The following DNMT1 variants were observed in gnomAD, a reference collection of about 807,000 sequenced individuals.
DNMT1 encodes DNA methyltransferase 1.
A neutral mutation model predicts 205.3 loss-of-function variants in DNMT1; 24 were observed. The observed-to-expected ratio is 0.12, with a 90% CI of 0.08 to 0.16. The LOEUF is 0.16. Ranked by LOEUF, DNMT1 falls within the 10% of genes least tolerant of loss-of-function variation. The pLI, the probability that DNMT1 is intolerant of heterozygous loss-of-function variation, is 1.00. For synonymous variants in DNMT1, 817 were observed against 839.8 expected, an observed-to-expected ratio of 0.97 and a Z score of 0.47; for missense variants, 1,293 against 2,177.7, an observed-to-expected ratio of 0.59 and a Z score of 8.09.
chr19:10,179,271 A>C (rs891733170), intron 5 of DNMT1, among the ~76,000 whole-genome samples: 1 of 151,826 alleles, frequency 6.6e-6, no homozygotes, highest in African/African-American at 2.4e-5. Flanking sequence ...AACCTGTCAC[A>C]CTCATAGCCA....
At position 10,140,271 on chromosome 19, in the gene DNMT1, C is replaced by T; in HGVS notation, c.3581G>A (p.Arg1194Gln). 4 of 1,614,016 alleles carry T rather than the reference C, an allele frequency of 2.5e-6. No homozygotes were observed. Among genetic ancestry groups the T allele is most frequent in the South Asian group, 1.1e-5 (1 of 91,078 alleles). The change falls in exon 33 of 41, where the codon CGG becomes CAG. Residue 1194 changes from arginine (R) to glutamine (Q), a missense_variant. Physicochemically the swap from Arg to Gln is conservative, Grantham distance 43. Coordinates refer to ENST00000359526, the MANE Select transcript of DNMT1 (RefSeq NM_001130823.3). The surrounding 1 kb of genome is among the most constrained non-coding windows in gnomAD (Gnocchi z 8.4). ...CACTGTGGAGCCGGGGTTGTTCAGC[C>T]GGAACGCCTGGGCCGCAGGGTCCCA... ...EMWDPAAQAFRLNNPGSTVFT... is the reference protein window; with the variant it reads ...EMWDPAAQAFQLNNPGSTVFT...
At chr19:10,150,392 T>C (rs1421289397) in intron 24 of DNMT1, among the ~76,000 whole-genome samples, 1 of 152,160 alleles carries the variant, frequency 6.6e-6, no homozygotes, top group African/African-American at 2.4e-5. Flanking sequence ...GCCACCTCAG[T>C]GCAGCTCTCC....
In DNMT1 at chr19:10,148,876, G is replaced by A. The variant is rs1043815439; in HGVS notation, c.2720+8C>T. On this transcript the variant is annotated splice_region_variant and intron_variant, in intron 27 of 40. Coordinates refer to ENST00000359526, the MANE Select transcript of DNMT1 (RefSeq NM_001130823.3). ...CCTGCTGACCCCGAGTCCAGCCCCAGTGCTCACTTGAACTTGTTGTCCTCT... is the reference window on the plus strand; with the variant it reads ...CCTGCTGACCCCGAGTCCAGCCCCAATGCTCACTTGAACTTGTTGTCCTCT... 2.0e-5 allele frequency: 33 copies of A among 1,614,192 alleles called. No individual in the cohort carries two copies. The highest frequency in any genetic ancestry group is 2.5e-5 in the Non-Finnish European group (30 of 1,180,018).
chr19:10,147,893 C>A (rs1303729493), intron 27 of DNMT1, among the ~76,000 whole-genome samples: 1 of 151,718 alleles, frequency 6.6e-6, no homozygotes, highest in Admixed American at 6.6e-5. Flanking sequence ...GCGGGTAGAT[C>A]ACCTGAGGTC....
intron 13 of DNMT1, 26 bp downstream of exon 13, chr19:10,162,638 AAAG>A (rs746486775): frequency 1.7e-5 from 26 of 1,558,338 alleles, no homozygotes; most frequent in African/African-American, 2.8e-5. Flanking sequence ...AAAAAAAAAA[AAAG>A]AAAGAAAGAA....
Position 10,177,350 on chromosome 19 carries a change from G to T in DNMT1, c.511C>A (p.Pro171Thr). The change falls in exon 6 of 41, where the codon CCC becomes ACC. Residue 171 changes from proline to threonine, a missense_variant. Pro to Thr is a conservative substitution (Grantham distance 38). Around this residue, in one of 13 missense-constraint regions of DNMT1, gnomAD observed 394 missense variants for 451.6 expected, o/e 0.87. Transcript: ENST00000359526. ...CTGGTGCTTTTCCTTGTAATCCTGGGGCTAGGTGAAGGTTCAGCTGTTTAA... is the reference window on the plus strand; with the variant it reads ...CTGGTGCTTTTCCTTGTAATCCTGGTGCTAGGTGAAGGTTCAGCTGTTTAA... ...TGIRAEPSPSPRITRKSTRQT... is the reference protein window; with the variant it reads ...TGIRAEPSPSTRITRKSTRQT... The T allele has an allele frequency of 6.2e-7, 1 of 1,613,738 alleles. No individual in the cohort carries two copies. The highest frequency in any genetic ancestry group is 8.5e-7 in the Non-Finnish European group (1 of 1,179,974).
chr19:10,160,127 C>T, intron 14 of DNMT1, 64 bp from the exon 15 acceptor site: 1 of 1,604,638 alleles, frequency 6.2e-7, no homozygotes, highest in African/African-American at 1.3e-5. Context: ...TCAAAATCGC[C>T]CCTGTGAGGT....
intron 11 of DNMT1, 28 bp from the exon 12 acceptor site, chr19:10,163,388 G>C (rs1416516991): frequency 6.2e-7 from 1 of 1,612,564 alleles, no homozygotes; most frequent in Admixed American, 1.7e-5. Context: ...GGGAGGTAGA[G>C]AGATAAAGAA....
chr19:10,168,801 A>T (rs1353314784), intron 9 of DNMT1, among the ~76,000 whole-genome samples: 3 of 152,196 alleles, frequency 2.0e-5, no homozygotes, highest in Admixed American at 6.6e-5. Flanking sequence ...AGTAGCTCCA[A>T]CTGAGACACA....
intron 28 of DNMT1, chr19:10,144,802 CAA>C (rs2089668201): frequency 6.6e-5 from 10 of 152,214 alleles, no homozygotes; most frequent in Admixed American, 6.5e-4. Context: ...TGCAGTGGCA[CAA>C]TCTCGGCTCA....
rs999473447 is a variant in DNMT1, at chr19:10,148,751, G to A, written c.2720+133C>T. 2.0e-5 allele frequency: 29 copies of A among 1,478,358 alleles called. No homozygotes were observed. In the African/African-American group the frequency reaches 3.7e-4, roughly 19 times the overall value. 91.6% of individuals were successfully genotyped at this position (1,478,358 alleles called of 1,614,324 possible). ...ACACTTGAGCATCATTCATAGTCAG[G>A]CTGGCCTTTGACGAGCAAGAGACAC... On this transcript the variant is annotated intron_variant, in intron 27 of 40. Coordinates refer to ENST00000359526, the MANE Select transcript of DNMT1 (RefSeq NM_001130823.3).
intron 1 of DNMT1, among the ~76,000 whole-genome samples, chr19:10,191,081 T>A (rs1424180616): frequency 6.6e-6 from 1 of 151,330 alleles, no homozygotes; most frequent in African/African-American, 2.4e-5. Context: ...GCCACTGCAC[T>A]CCAGCCTGGG....
At position 10,180,218 on chromosome 19, in the gene DNMT1, A is replaced by G. The variant is rs757381947; in HGVS notation, c.462T>C (p.Pro154=). Residue 154 remains proline (P), a synonymous_variant, in exon 5 of 41, where the codon CCT becomes CCC. Coordinates refer to ENST00000359526, the MANE Select transcript of DNMT1 (RefSeq NM_001130823.3). ...DGEAKRSRDP[P]ASASQVTGIR... is the part of the protein sequence containing the mutation. ...TCCCAGTTACTTGGGAGGCTGAGGC[A>G]GGAGGGTCTCTTGAACCTGGGAGGC... The G allele has an allele frequency of 9.2e-7, 1 of 1,085,904 alleles. No homozygotes were observed. The highest frequency in any genetic ancestry group is 1.4e-6 in the Non-Finnish European group (1 of 737,124). 67.3% of individuals were successfully genotyped at this position (1,085,904 alleles called of 1,614,324 possible). A position where few individuals can be genotyped will look rare whatever the true frequency, so the allele number is the denominator to read the frequency against.
At position 10,178,901 on chromosome 19, in the gene DNMT1, C is replaced by T. The variant is rs185167212; in HGVS notation, c.493+1286G>A. Among the ~76,000 whole-genome samples the T allele has an allele frequency of 6.4e-3, 965 of 151,414 alleles. 10 individuals are homozygous for T. The highest frequency in any genetic ancestry group is 0.022 in the African/African-American group (916 of 41,276). The stretch of plus-strand genomic sequence containing the variant: ...CAGCACTTTGGGAGGCCGAGGCGGG[C>T]GGATCATGAGGTCAGGAGATCGAAA... On this transcript the variant is annotated intron_variant, in intron 5 of 40. Transcript: ENST00000359526.
chr19:10,136,086 T>C, intron 38 of DNMT1, 35 bp downstream of exon 38: 2 of 1,613,450 alleles, frequency 1.2e-6, no homozygotes, highest in Non-Finnish European at 1.7e-6. Flanking sequence ...GTACAGGGCC[T>C]GACCCAGGCC....
In DNMT1 at chr19:10,160,365, G is replaced by A. The variant is rs769063442; in HGVS notation, c.1043+19C>T. On this transcript the variant is annotated intron_variant, in intron 14 of 40. Coordinates refer to ENST00000359526, the MANE Select transcript of DNMT1 (RefSeq NM_001130823.3). ...AACATTACCATCTGCTTTCGATAAT[G>A]TCAAGAATAAATTCTTACGGTTCTT... is the stretch of plus-strand genomic sequence containing the variant. The A allele has an allele frequency of 4.3e-6, 7 of 1,613,956 alleles. No individual in the cohort carries two copies. The highest frequency in any genetic ancestry group is 1.7e-6 in the Non-Finnish European group (2 of 1,179,954).
Position 10,166,112 on chromosome 19 carries a change from T to C in DNMT1, c.891+486A>G, listed in dbSNP as rs545737570. The stretch of plus-strand genomic sequence containing the variant: ...GGGCCTGCAGGCAACCTGGCCATCC[T>C]GTACTTTGACAGAGGCCCAGCAGTG... On this transcript the variant is annotated intron_variant, in intron 11 of 40. Transcript: ENST00000359526. Among the ~76,000 whole-genome samples the C allele has an allele frequency of 5.3e-5, 8 of 152,230 alleles. No homozygotes were observed. In the South Asian group the frequency reaches 1.4e-3, roughly 28 times the overall value.
At position 10,139,687 on chromosome 19, in the gene DNMT1, C is replaced by T. The variant is rs767041788; in HGVS notation, c.3937G>A (p.Gly1313Ser). The change falls in exon 34 of 41, where the codon GGC becomes AGC. Residue 1313 changes from glycine to serine, a missense_variant. Physicochemically the swap from Gly to Ser is moderately conservative, Grantham distance 56. This residue lies in a region of DNMT1 where 38 missense variants were observed against 141.1 expected (regional missense o/e 0.27). Transcript: ENST00000359526. ...LVRMGYQCTF[G>S]VLQAGQYGVA... ...GCCCCAGGGCCCACCTGCAGCACGC[C>T]GAAGGTGCACTGATAGCCCATGCGG... 4 of 1,613,296 alleles carry T rather than the reference C, an allele frequency of 2.5e-6. No individual in the cohort carries two copies. The highest frequency in any genetic ancestry group is 3.3e-5 in the Admixed American group (2 of 59,958).
intron 27 of DNMT1, 137 bp downstream of exon 27, chr19:10,148,747 T>A (rs1180667200): frequency 6.2e-6 from 9 of 1,461,756 alleles, no homozygotes; most frequent in Non-Finnish European, 8.5e-6. Flanking sequence ...TCATTCATAG[T>A]CAGGCTGGCC....
Sources: allele counts gnomAD v4.1 joint callset (sites outside exome capture counted in the v4.1 genomes callset), GRCh38; gene constraint gnomAD v4.1.1; regional missense constraint gnomAD v4.1.1; non-coding constraint Gnocchi (gnomAD v3.1); transcripts MANE v1.5; gene names NCBI Gene and HGNC (gene_info 2026-07-23, HGNC 2026-07-21).